The following NTM variants were observed in gnomAD, a reference collection of about 807,000 sequenced individuals.
The protein encoded by NTM is neurotrimin.
Under a neutral mutation model 42.1 loss-of-function variants are expected in NTM, and 13 were observed. The ratio of observed to expected loss-of-function variants is 0.31; its 90% CI spans 0.20 to 0.49. The LOEUF (loss-of-function observed/expected upper bound fraction) is 0.49, where lower values mean the gene tolerates loss of function less well. Ranked by LOEUF, NTM falls within the 20% of genes least tolerant of loss-of-function variation. The pLI is 0.99. For synonymous variants in NTM, 187 were observed against 179.2 expected (o/e 1.04, Z -0.35); for missense variants, 373 against 452.8 (o/e 0.82, Z 1.60).
chr11:132,147,386 G>T (rs1193271023), intron 3 of NTM, among the ~76,000 whole-genome samples: 3 of 152,008 alleles, frequency 2.0e-5, no homozygotes, highest in African/African-American at 7.3e-5. Context: ...ATCACACTTG[G>T]CCACTTTCTG....
chr11:132,108,917 A>C (rs1345531110), intron 2 of NTM, among the ~76,000 whole-genome samples: 1 of 152,024 alleles, frequency 6.6e-6, no homozygotes, highest in Non-Finnish European at 1.5e-5. Context: ...ATGTGTTCTC[A>C]TTGTTCAACT....
intron 1 of NTM, among the ~76,000 whole-genome samples, chr11:131,414,924 G>T (rs935638255): frequency 6.6e-6 from 1 of 152,120 alleles, no homozygotes; most frequent in Non-Finnish European, 1.5e-5. Flanking sequence ...AGCAAATTGT[G>T]CATCCCTAAG....
chr11:131,725,778 C>T (rs1018967677), intron 1 of NTM, among the ~76,000 whole-genome samples: 9 of 152,130 alleles, frequency 5.9e-5, no homozygotes, highest in African/African-American at 2.2e-4. Context: ...TGAAGAAGGA[C>T]AGAATCTGAC....
chr11:132,295,952 G>A (rs2094594577), intron 4 of NTM, among the ~76,000 whole-genome samples: 1 of 152,200 alleles, frequency 6.6e-6, no homozygotes, highest in Admixed American at 6.5e-5. Context: ...CAGTAACAAT[G>A]ATGAGGAAAA....
chr11:132,018,909 A>T (rs1286695880), intron 2 of NTM, among the ~76,000 whole-genome samples: 2 of 151,778 alleles, frequency 1.3e-5, no homozygotes, highest in Non-Finnish European at 2.9e-5. Flanking sequence ...TTTTATTCAG[A>T]TTTTCTACTT....
chr11:131,762,599 G>A (rs926513929), intron 1 of NTM, among the ~76,000 whole-genome samples: 5 of 152,198 alleles, frequency 3.3e-5, no homozygotes, highest in African/African-American at 4.8e-5. Flanking sequence ...CGGCCCTGTC[G>A]CCCTTCCCCT....
chr11:131,949,797 G>A lies in NTM; in HGVS notation c.167+38149G>A, dbSNP rs117511851. Among the ~76,000 whole-genome samples the A allele has an allele frequency of 9.5e-3, 1,447 of 152,280 alleles. 4 individuals carry two copies. Among genetic ancestry groups the A allele is most frequent in the Middle Eastern group, 0.024 (7 of 294 alleles). ...TTCAGGTCCTTTTCAGAAGTCCTGG[G>A]AGGGTAGAAAGCTCTGTGCTGATGT... On this transcript the variant is annotated intron_variant, in intron 2 of 8. Transcript: ENST00000683400.
At position 131,819,343 on chromosome 11, in the gene NTM, T is replaced by G. The variant is rs572426381; in HGVS notation, c.83-92221T>G. ...AGTTTACTTGGTTTGGGGTCAGGTC[T>G]GGACATCTACATTTTTAAAAGATGC... On this transcript the variant is annotated intron_variant, in intron 1 of 8. Transcript: ENST00000683400. Among the ~76,000 whole-genome samples the G allele has an allele frequency of 8.1e-4, 123 of 152,314 alleles. 1 individual carries two copies. In the South Asian group the frequency reaches 0.024, roughly 30 times the overall value.
chr11:131,884,525 A>G (rs1015332798), intron 1 of NTM, among the ~76,000 whole-genome samples: 4 of 152,296 alleles, frequency 2.6e-5, no homozygotes, highest in African/African-American at 9.6e-5. Flanking sequence ...GGCTCCAGAA[A>G]CAGTGTTCTG....
At chr11:131,453,830 C>T (rs963988059) in intron 1 of NTM, among the ~76,000 whole-genome samples, 4 of 152,204 alleles carry the variant, frequency 2.6e-5, no homozygotes, top group African/African-American at 7.2e-5. Flanking sequence ...ATCCACATGT[C>T]CCTCCCACAC....
intron 1 of NTM, among the ~76,000 whole-genome samples, chr11:131,494,741 C>G (rs1173702462): frequency 6.6e-6 from 1 of 152,186 alleles, no homozygotes; most frequent in Non-Finnish European, 1.5e-5. Flanking sequence ...ATTTGCTAGC[C>G]AACTTGACCT....
chr11:131,565,410 TC>T (rs1334579862), intron 1 of NTM, among the ~76,000 whole-genome samples: 1 of 152,326 alleles, frequency 6.6e-6, no homozygotes, highest in East Asian at 1.9e-4. Flanking sequence ...CCAGGTCTCC[TC>T]CTGCCTCGCT....
chr11:132,331,856 A>G (rs1056521767), intron 8 of NTM, among the ~76,000 whole-genome samples: 11 of 152,236 alleles, frequency 7.2e-5, no homozygotes, highest in African/African-American at 2.6e-4. Flanking sequence ...AGAGTGTGTG[A>G]GGGTGGGGAA....
At chr11:131,401,832 A>ATATATATATATATATATATATATGTG (rs1945241402) in intron 1 of NTM, among the ~76,000 whole-genome samples, 1 of 82,252 alleles carries the variant, frequency 1.2e-5, no homozygotes, top group African/African-American at 4.7e-5. Context: ...ATATATATAT[A>ATATATATATATATATATATATATGTG]TATATATATA....
At chr11:131,923,633 A>G (rs1472180185) in intron 2 of NTM, among the ~76,000 whole-genome samples, 1 of 152,212 alleles carries the variant, frequency 6.6e-6, no homozygotes, top group Non-Finnish European at 1.5e-5. Flanking sequence ...AAAATCTAAT[A>G]AACACTGGAG....
At chr11:131,604,643 G>GT (rs5795733) in intron 1 of NTM, among the ~76,000 whole-genome samples, 2,248 of 132,978 alleles carry the variant, frequency 0.017, 68 homozygotes, top group African/African-American at 0.06. Flanking sequence ...CTTCTAAAAG[G>GT]TTTTTTTTTT....
Position 131,687,588 on chromosome 11 carries a change from C to T in NTM, c.83-223976C>T, listed in dbSNP as rs1438550475. Among the ~76,000 whole-genome samples, 5 of 152,268 alleles carry T rather than the reference C, an allele frequency of 3.3e-5. No homozygotes were observed. In the East Asian group the frequency reaches 7.7e-4, roughly 24 times the overall value. On this transcript the variant is annotated intron_variant, in intron 1 of 8. Transcript: ENST00000683400. Reference sequence around the variant, plus strand: ...CACCTTCGCCCCCGGGGGTGGCTGCCGAGTGGGGCAGCCACAAGTTACTTG... The same window carrying T: ...CACCTTCGCCCCCGGGGGTGGCTGCTGAGTGGGGCAGCCACAAGTTACTTG...
At position 132,335,280 on chromosome 11, in the gene NTM, A is replaced by C; in HGVS notation, c.*134A>C. 2.1e-6 allele frequency: 2 copies of C among 938,196 alleles called. No homozygotes were observed. Among genetic ancestry groups the C allele is most frequent in the Admixed American group, 3.1e-5 (1 of 32,580 alleles). The allele number at this position is 938,196 out of a possible 1,614,324, so 58.1% of individuals were successfully genotyped here. A position where few individuals can be genotyped will look rare whatever the true frequency, so the allele number is the denominator to read the frequency against. On this transcript the variant is annotated 3_prime_UTR_variant, in exon 9 of 9. Coordinates refer to ENST00000683400, the MANE Select transcript of NTM (RefSeq NM_001352005.2). ...GAAGAAACACAGCCTCATGGGACAGAAATTTGAGGGAGGGGAACAAAGAAT... is the reference window on the plus strand; with the variant it reads ...GAAGAAACACAGCCTCATGGGACAGCAATTTGAGGGAGGGGAACAAAGAAT...
intron 4 of NTM, among the ~76,000 whole-genome samples, chr11:132,244,746 G>C (rs933338791): frequency 1.3e-5 from 2 of 152,200 alleles, no homozygotes; most frequent in African/African-American, 4.8e-5. Context: ...CTGAGAGAAA[G>C]CCTGTGACCT....
Sources: allele counts gnomAD v4.1 joint callset (sites outside exome capture counted in the v4.1 genomes callset), GRCh38; gene constraint gnomAD v4.1.1; transcripts MANE v1.5; gene names NCBI Gene and HGNC (gene_info 2026-07-23, HGNC 2026-07-21).